Variants in CSGALNACT1 observed in about 807,000 individuals in gnomAD.
CSGALNACT1 encodes the protein beta4GalNAcT-1.
CSGALNACT1 carries 52 observed loss-of-function variants against 51.0 expected under a neutral mutation model. That is an observed-to-expected ratio of 1.02 (90% CI 0.82 to 1.29). CSGALNACT1 has a LOEUF of 1.29. CSGALNACT1 is among the 50% of genes most tolerant of loss of function. CSGALNACT1 has a pLI of 0.00. For synonymous variants in CSGALNACT1, 341 were observed against 254.4 expected (o/e 1.34, Z -3.24); for missense variants, 935 against 679.2 (o/e 1.38, Z -4.19).
At chr8:19,676,787 C>T (rs576909855) in intron 1 of CSGALNACT1, among the ~76,000 whole-genome samples, 1 of 152,282 alleles carries the variant, frequency 6.6e-6, no homozygotes, top group South Asian at 2.1e-4. Flanking sequence ...TCAACCCAGA[C>T]AGGATTGGAA....
At chr8:19,555,997 G>GT (rs929397117) in intron 3 of CSGALNACT1, among the ~76,000 whole-genome samples, 1 of 152,118 alleles carries the variant, frequency 6.6e-6, no homozygotes, top group African/African-American at 2.4e-5. Flanking sequence ...TCTGTGGTGT[G>GT]TTTTTTTACC....
At chr8:19,659,674 A>C (rs1231890913) in intron 1 of CSGALNACT1, among the ~76,000 whole-genome samples, 1 of 152,228 alleles carries the variant, frequency 6.6e-6, no homozygotes, top group Non-Finnish European at 1.5e-5. Context: ...ATGAGTATAG[A>C]ATACACATCC....
At position 19,507,528 on chromosome 8, in the gene CSGALNACT1, G is replaced by GAAAAAAAAAAA. The variant is rs35759799; in HGVS notation, c.-296-1409_-296-1399dup. ...TGTCTTCCCCTACCCATCTTAGCCA[G>GAAAAAAAAAAA]AAAAAAAAAAAAAAAAAAAAAAAAG... On this transcript the variant is annotated intron_variant, in intron 3 of 9. Coordinates refer to ENST00000454498, the Ensembl canonical transcript of CSGALNACT1. Among the ~76,000 whole-genome samples, 164 of 74,844 alleles carry GAAAAAAAAAAA rather than the reference G, an allele frequency of 2.2e-3. 8 individuals carry two copies. Among genetic ancestry groups the GAAAAAAAAAAA allele is most frequent in the African/African-American group, 6.5e-3 (117 of 17,966 alleles). 49.1% of individuals were successfully genotyped at this position (74,844 alleles called of 152,430 possible).
intron 1 of CSGALNACT1, among the ~76,000 whole-genome samples, chr8:19,734,948 G>C (rs1273844023): frequency 6.6e-6 from 1 of 152,060 alleles, no homozygotes; most frequent in Non-Finnish European, 1.5e-5. Context: ...TGAAATAACA[G>C]GAAAGCATGG....
intron 4 of CSGALNACT1, among the ~76,000 whole-genome samples, chr8:19,494,780 G>C (rs151131521): frequency 1.7e-3 from 258 of 151,768 alleles, no homozygotes; most frequent in African/African-American, 5.7e-3. Flanking sequence ...AGTCACCTCT[G>C]ACAGCTGCAT....
intron 3 of CSGALNACT1, among the ~76,000 whole-genome samples, chr8:19,553,167 TA>T (rs1207427562): frequency 6.6e-6 from 1 of 152,100 alleles, no homozygotes; most frequent in African/African-American, 2.4e-5. Flanking sequence ...ACAACATTTC[TA>T]AAAACAAGTG....
intron 1 of CSGALNACT1, among the ~76,000 whole-genome samples, chr8:19,651,414 C>A (rs1338420988): frequency 6.6e-6 from 1 of 152,072 alleles, no homozygotes; most frequent in African/African-American, 2.4e-5. Flanking sequence ...CATCTTCCAC[C>A]CATCATCCAC....
chr8:19,626,355 G>A (rs116598953), intron 1 of CSGALNACT1, among the ~76,000 whole-genome samples: 3,083 of 151,972 alleles, frequency 0.02, 117 homozygotes, highest in African/African-American at 0.07. Flanking sequence ...AAATGGTGTC[G>A]GAACAACTGG....
intron 4 of CSGALNACT1, among the ~76,000 whole-genome samples, chr8:19,483,706 C>G (rs2072091580): frequency 6.6e-6 from 1 of 152,308 alleles, no homozygotes; most frequent in South Asian, 2.1e-4. Flanking sequence ...CATCACTGAT[C>G]ATCTGTTTAC....
intron 2 of CSGALNACT1, among the ~76,000 whole-genome samples, chr8:19,601,376 T>G (rs2050385695): frequency 6.6e-6 from 1 of 152,188 alleles, no homozygotes; most frequent in Admixed American, 6.5e-5. Flanking sequence ...GATGACAGGG[T>G]GACTATTTTA....
intron 3 of CSGALNACT1, among the ~76,000 whole-genome samples, chr8:19,570,642 C>G (rs1564094406): frequency 6.6e-6 from 1 of 152,182 alleles, no homozygotes; most frequent in Non-Finnish European, 1.5e-5. Context: ...CGGCTCAAGC[C>G]TGTAATGCCA....
At chr8:19,730,469 G>A (rs2063630505) in intron 1 of CSGALNACT1, among the ~76,000 whole-genome samples, 1 of 152,202 alleles carries the variant, frequency 6.6e-6, no homozygotes, top group Non-Finnish European at 1.5e-5. Context: ...GCTGAGGTTG[G>A]AATTATGATG....
At chr8:19,434,185 A>G (rs2060038361) in intron 6 of CSGALNACT1, among the ~76,000 whole-genome samples, 1 of 152,210 alleles carries the variant, frequency 6.6e-6, no homozygotes, top group African/African-American at 2.4e-5. Flanking sequence ...GAGTGTTTGC[A>G]GAGGCCTTTA....
At chr8:19,606,617 G>C (rs1015656466), upstream of CSGALNACT1, among the ~76,000 whole-genome samples, 9 of 152,026 alleles carry the variant, frequency 5.9e-5, no homozygotes, top group African/African-American at 2.2e-4. Flanking sequence ...TTGGTGTCCT[G>C]GTCTTAAGAC....
intron 4 of CSGALNACT1, among the ~76,000 whole-genome samples, chr8:19,491,660 T>C (rs1457411260): frequency 1.3e-5 from 2 of 152,378 alleles, no homozygotes; most frequent in African/African-American, 4.8e-5. Flanking sequence ...GTATCTTTCA[T>C]GATGTTTGCT....
chr8:19,697,509 C>A (rs73216651), intron 1 of CSGALNACT1, among the ~76,000 whole-genome samples: 2,196 of 152,162 alleles, frequency 0.014, 28 homozygotes, highest in South Asian at 0.044. Flanking sequence ...GACTGGGCAC[C>A]AAATCTCAGG....
chr8:19,436,618 T>G (rs2060416204), intron 6 of CSGALNACT1, among the ~76,000 whole-genome samples: 1 of 152,228 alleles, frequency 6.6e-6, no homozygotes, highest in Non-Finnish European at 1.5e-5. Flanking sequence ...TATAGATTAC[T>G]ATGGGAGGCT....
At chr8:19,532,210 G>T (rs570315448) in intron 3 of CSGALNACT1, among the ~76,000 whole-genome samples, 148 of 150,500 alleles carry the variant, frequency 9.8e-4, no homozygotes, top group African/African-American at 3.5e-3. Flanking sequence ...TTATTGTCTC[G>T]CTCTGGACCT....
chr8:19,720,731 G>A (rs2063076389), intron 1 of CSGALNACT1, among the ~76,000 whole-genome samples: 1 of 152,176 alleles, frequency 6.6e-6, no homozygotes. Context: ...AAGGGAAAAA[G>A]CTTTCCTCCA....
Sources: allele counts gnomAD v4.1 joint callset (sites outside exome capture counted in the v4.1 genomes callset), GRCh38; gene constraint gnomAD v4.1.1; transcripts MANE v1.5; gene names NCBI Gene and HGNC (gene_info 2026-07-23, HGNC 2026-07-21).